The following SNAP91 variants were observed in gnomAD, a reference collection of about 807,000 sequenced individuals.
SNAP91 encodes synaptosome associated protein 91, also known as clathrin coat assembly protein AP180.
Under a neutral mutation model 100.3 loss-of-function variants are expected in SNAP91, and 27 were observed. That is an observed-to-expected ratio of 0.27 (90% CI 0.20 to 0.37). SNAP91 has a LOEUF of 0.37. Ranked by LOEUF, SNAP91 falls within the 10% of genes least tolerant of loss-of-function variation. The probability of loss-of-function intolerance (pLI) is 1.00; values close to 1 mark genes in which losing one functional copy is unlikely to be tolerated. For missense variants in SNAP91, 986 were observed against 1,123.7 expected (o/e 0.88, Z 1.75); for synonymous variants, 404 against 398.6 (o/e 1.01, Z -0.16).
intron 2 of SNAP91, among the ~76,000 whole-genome samples, chr6:83,693,301 A>G (rs956365149): frequency 2.6e-5 from 4 of 152,160 alleles, no homozygotes; most frequent in Admixed American, 1.3e-4. Context: ...TGTGAAGATG[A>G]AGTCAATCAG....
chr6:83,611,348 C>T (rs751780644), intron 11 of SNAP91: 109 of 350,376 alleles, frequency 3.1e-4, no homozygotes, highest in Non-Finnish European at 5.6e-4. Context: ...ATTAGGAAGG[C>T]GTGAATTTTA....
chr6:83,610,299 C>T (rs1336726738), intron 12 of SNAP91, among the ~76,000 whole-genome samples: 1 of 151,860 alleles, frequency 6.6e-6, no homozygotes, highest in Non-Finnish European at 1.5e-5. Context: ...AATTCAGGCA[C>T]ATGGTACAAC....
chr6:83,639,911 C>A (rs1477127551), intron 8 of SNAP91, among the ~76,000 whole-genome samples: 1 of 151,966 alleles, frequency 6.6e-6, no homozygotes, highest in Non-Finnish European at 1.5e-5. Context: ...TAAACCATGG[C>A]AAAATCATAC....
At chr6:83,647,854 A>T (rs1392722611) in intron 7 of SNAP91, among the ~76,000 whole-genome samples, 1 of 152,172 alleles carries the variant, frequency 6.6e-6, no homozygotes, top group Non-Finnish European at 1.5e-5. Context: ...TTTGGCTCAC[A>T]GTTCTTGTGG....
chr6:83,637,340 C>A (rs571002937), intron 8 of SNAP91, among the ~76,000 whole-genome samples: 2 of 152,292 alleles, frequency 1.3e-5, no homozygotes, highest in African/African-American at 4.8e-5. Context: ...TCTTGGGGGG[C>A]CCACTGTGCT....
At chr6:83,614,900 G>A (rs775512880) in intron 10 of SNAP91, 38 bp from the exon 11 acceptor site, 20 of 1,549,384 alleles carry the variant, frequency 1.3e-5, no homozygotes, top group Non-Finnish European at 1.7e-5. Flanking sequence ...ACAAAGAAGA[G>A]AATAGTTAAC....
At chr6:83,601,189 A>G in intron 16 of SNAP91, 82 bp downstream of exon 16, 4 of 1,352,832 alleles carry the variant, frequency 3.0e-6, no homozygotes, top group Non-Finnish European at 4.1e-6. Context: ...CTGTTACATA[A>G]CGGAAAAAAT....
intron 12 of SNAP91, among the ~76,000 whole-genome samples, chr6:83,610,319 C>T (rs2095919225): frequency 6.6e-6 from 1 of 151,754 alleles, no homozygotes; most frequent in South Asian, 2.1e-4. Flanking sequence ...CATGGCTGAA[C>T]CTTGAAGATA....
intron 22 of SNAP91, among the ~76,000 whole-genome samples, chr6:83,583,899 T>A (rs1221202251): frequency 1.3e-5 from 2 of 152,214 alleles, no homozygotes; most frequent in African/African-American, 4.8e-5. Flanking sequence ...CATATGTGTA[T>A]GAAAAAATTT....
intron 26 of SNAP91, among the ~76,000 whole-genome samples, chr6:83,569,772 T>A (rs1225303711): frequency 6.6e-6 from 1 of 152,166 alleles, no homozygotes; most frequent in Non-Finnish European, 1.5e-5. Context: ...TGAGATCTGA[T>A]GGTTTTATAA....
chr6:83,575,523 G>C (rs973174938), intron 25 of SNAP91: 23 of 243,714 alleles, frequency 9.4e-5, no homozygotes, highest in Non-Finnish European at 1.4e-4. Flanking sequence ...TCAGCAGAAT[G>C]TTTCACACAA....
At chr6:83,674,149 T>C (rs1347222369) in intron 2 of SNAP91, among the ~76,000 whole-genome samples, 2 of 152,098 alleles carry the variant, frequency 1.3e-5, no homozygotes, top group Non-Finnish European at 2.9e-5. Context: ...AGTAGGCCAG[T>C]TGTGGTGGCT....
chr6:83,618,573 T>C (rs1044675387), intron 9 of SNAP91, among the ~76,000 whole-genome samples: 1 of 151,820 alleles, frequency 6.6e-6, no homozygotes, highest in African/African-American at 2.4e-5. Flanking sequence ...TATAAAGAAA[T>C]GCTCATTGAA....
Position 83,592,486 on chromosome 6 carries a change from C to T in SNAP91, c.1899G>A (p.Val633=). The part of the protein sequence containing the change: ...SPATTASPAK[V]DSSGVIDLFG... ...AAAGGTCTATGACACCTGAAGAATC[C>T]ACCTTTGCTGGCGAGGCAGTGGTTG... Residue 633 remains valine, a synonymous_variant, in exon 21 of 30, where the codon GTG becomes GTA. Transcript: ENST00000369694. The T allele has an allele frequency of 6.2e-7, 1 of 1,612,412 alleles. No individual in the cohort carries two copies. The highest frequency in any genetic ancestry group is 8.5e-7 in the Non-Finnish European group (1 of 1,179,220).
chr6:83,625,110 A>G (rs556960410), intron 8 of SNAP91, among the ~76,000 whole-genome samples: 26 of 152,204 alleles, frequency 1.7e-4, no homozygotes, highest in African/African-American at 5.8e-4. Context: ...CCCAAGATTT[A>G]GCTCTCACTA....
At chr6:83,634,008 G>A (rs1000643061) in intron 8 of SNAP91, among the ~76,000 whole-genome samples, 4 of 152,004 alleles carry the variant, frequency 2.6e-5, no homozygotes, top group African/African-American at 7.2e-5. Flanking sequence ...GCTAAATGAC[G>A]AGTTAATGGG....
intron 3 of SNAP91, among the ~76,000 whole-genome samples, chr6:83,663,402 A>G (rs1232240827): frequency 6.6e-6 from 1 of 152,186 alleles, no homozygotes; most frequent in East Asian, 1.9e-4. Flanking sequence ...ATAAAGGAAA[A>G]GTCTTGAAGA....
intron 2 of SNAP91, among the ~76,000 whole-genome samples, chr6:83,705,665 C>G (rs2099366191): frequency 6.6e-6 from 1 of 151,978 alleles, no homozygotes; most frequent in Admixed American, 6.6e-5. Context: ...CAAAAATGAG[C>G]CAGGCGTGGT....
intron 2 of SNAP91, among the ~76,000 whole-genome samples, chr6:83,701,125 T>TG (rs1195660590): frequency 6.7e-6 from 1 of 149,404 alleles, no homozygotes; most frequent in Non-Finnish European, 1.5e-5. Context: ...AGCTTGATTG[T>TG]GGGAAAAAAG....
Sources: gnomAD v4.1 joint callset for allele counts (sites outside exome capture counted in the v4.1 genomes callset) on GRCh38, gnomAD v4.1.1 for gene constraint, MANE v1.5 for transcripts, NCBI Gene and HGNC (gene_info 2026-07-23, HGNC 2026-07-21) for gene names.